Variants in ESCO1 observed in about 807,000 individuals in gnomAD.
ESCO1 encodes the protein N-acetyltransferase ESCO1.
Under a neutral mutation model 83.5 loss-of-function variants are expected in ESCO1, and 33 were observed. The ratio of observed to expected loss-of-function variants is 0.40; its 90% confidence interval spans 0.30 to 0.53. ESCO1 has a LOEUF of 0.53. ESCO1 is among the 20% of genes least tolerant of loss of function. The pLI is 0.63. For synonymous variants in ESCO1, 332 were observed against 324.3 expected (o/e 1.02, Z -0.25); for missense variants, 855 against 968.0 (o/e 0.88, Z 1.55).
At chr18:21,589,552 C>G (rs141442662) in intron 1 of ESCO1, among the ~76,000 whole-genome samples, 83 of 152,156 alleles carry the variant, frequency 5.5e-4, no homozygotes, top group African/African-American at 2.0e-3. Context: ...CCCCGTATAC[C>G]TCTCAATCCC....
chr18:21,574,640 T>C lies in ESCO1; in HGVS notation c.204A>G (p.Thr68=). 1 of 1,613,988 alleles carries C rather than the reference T, an allele frequency of 6.2e-7. No individual in the cohort carries two copies. The highest frequency in any genetic ancestry group is 2.2e-5 in the East Asian group (1 of 44,870). Residue 68 remains threonine (T), a synonymous_variant, in exon 4 of 12, where the codon ACA becomes ACG. Coordinates refer to ENST00000269214, the MANE Select transcript of ESCO1 (RefSeq NM_052911.3). The part of the protein sequence containing the change: ...NQPELETRMS[T]RSSKAASNDK... ...CATTAGATGCTGCCTTTGATGACCT[T>C]GTACTCATGCGTGTTTCCAATTCTG...
intron 2 of ESCO1, among the ~76,000 whole-genome samples, chr18:21,581,388 G>C (rs940736437): frequency 1.3e-5 from 2 of 151,442 alleles, no homozygotes; most frequent in African/African-American, 4.8e-5. Context: ...ATATTTAACA[G>C]TTTAGTTCCA....
At chr18:21,572,802 T>G (rs993928395) in intron 4 of ESCO1, among the ~76,000 whole-genome samples, 1 of 151,912 alleles carries the variant, frequency 6.6e-6, no homozygotes, top group Non-Finnish European at 1.5e-5. Flanking sequence ...CCGTCTCTAC[T>G]AAAAATACAA....
Position 21,574,501 on chromosome 18 carries a change from T to C in ESCO1, c.343A>G (p.Asn115Asp), listed in dbSNP as rs767566269. ...TGTGATCTCCGGTTAAGCTGTTCAT[T>C]TGCTTTAGGGTTTTCATGTACTAAT... ...KKLVHENPKA[N>D]EQLNRRSQRL... is the part of the protein sequence containing the mutation. The change falls in exon 4 of 12, where the codon AAT becomes GAT. Residue 115 changes from asparagine (N) to aspartate (D), a missense_variant. Asn to Asp is a conservative substitution (Grantham distance 23). Coordinates refer to ENST00000269214, the MANE Select transcript of ESCO1 (RefSeq NM_052911.3). 6.2e-7 allele frequency: 1 copy of C among 1,614,134 alleles called. No individual in the cohort carries two copies. Among genetic ancestry groups the C allele is most frequent in the East Asian group, 2.2e-5 (1 of 44,868 alleles).
rs2037745224 is a variant in ESCO1 at position 21,529,921 on chromosome 18, T to C, written c.*422A>G. The C allele has an allele frequency of 6.5e-6, 1 of 153,554 alleles. No individual in the cohort carries two copies. Among genetic ancestry groups the C allele is most frequent in the Non-Finnish European group, 1.5e-5 (1 of 68,738 alleles). The allele number at this position is 153,554 out of a possible 1,614,324, so 9.5% of individuals were successfully genotyped here. On this transcript the variant is annotated 3_prime_UTR_variant, in exon 12 of 12. Transcript: ENST00000269214. Reference sequence around the variant, plus strand: ...AAAATTGGTTTCCACTCTGTGAAAATACAATCTTTAAGCCTATCACTGGTA... The same window carrying C: ...AAAATTGGTTTCCACTCTGTGAAAACACAATCTTTAAGCCTATCACTGGTA...
At chr18:21,592,557 GA>G (rs1205819095) in intron 1 of ESCO1, among the ~76,000 whole-genome samples, 1 of 145,750 alleles carries the variant, frequency 6.9e-6, no homozygotes, top group East Asian at 2.1e-4. Context: ...GCGGGGGGCT[GA>G]CCCCCCACCT....
At chr18:21,599,057 A>G (rs754155200) in intron 1 of ESCO1, among the ~76,000 whole-genome samples, 2 of 151,908 alleles carry the variant, frequency 1.3e-5, no homozygotes, top group African/African-American at 2.4e-5. Context: ...AAAAAAAAAA[A>G]TTCACCAGGC....
At chr18:21,566,298 C>G (rs889335812) in intron 5 of ESCO1, 92 bp from the exon 6 acceptor site, 8 of 1,117,396 alleles carry the variant, frequency 7.2e-6, no homozygotes, top group Non-Finnish European at 6.5e-6. Flanking sequence ...AGAAAAAAAC[C>G]TTCAATGCAT....
At chr18:21,598,168 A>G (rs1368360410) in intron 1 of ESCO1, among the ~76,000 whole-genome samples, 1 of 152,210 alleles carries the variant, frequency 6.6e-6, no homozygotes, top group African/African-American at 2.4e-5. Context: ...TCTGCCAATA[A>G]AAGTCATGAA....
chr18:21,573,268 AG>A, intron 4 of ESCO1, 45 bp downstream of exon 4: 1 of 1,467,754 alleles, frequency 6.8e-7, no homozygotes, highest in Non-Finnish European at 9.1e-7. Flanking sequence ...CATTTCTTAC[AG>A]AAAATATTTC....
chr18:21,599,511 G>A (rs1437740496), intron 1 of ESCO1, among the ~76,000 whole-genome samples: 1 of 152,106 alleles, frequency 6.6e-6, no homozygotes, highest in African/African-American at 2.4e-5. Context: ...AATGCTGGTG[G>A]GGGGACTAAC....
rs2038396848 is a variant in ESCO1, at chr18:21,574,756, C to A, written c.88G>T (p.Asp30Tyr). 1.2e-6 allele frequency: 2 copies of A among 1,608,136 alleles called. No homozygotes were observed. The highest frequency in any genetic ancestry group is 1.1e-5 in the South Asian group (1 of 90,598). Reference protein sequence around the residue: ...DDKNSETEIQDSQKNLAKKSG... With the variant: ...DDKNSETEIQYSQKNLAKKSG... The stretch of plus-strand genomic sequence containing the variant: ...TTTTTTGCTAGATTCTTTTGAGAAT[C>A]CTGAATTTCTGTTTCTGAATTCTTA... Residue 30 changes from aspartate (D) to tyrosine (Y), a missense_variant, in exon 4 of 12, where the codon GAT becomes TAT. Coordinates refer to ENST00000269214, the MANE Select transcript of ESCO1 (RefSeq NM_052911.3).
chr18:21,550,646 A>G (rs1295376945), intron 8 of ESCO1, among the ~76,000 whole-genome samples: 1 of 152,226 alleles, frequency 6.6e-6, no homozygotes, highest in Non-Finnish European at 1.5e-5. Flanking sequence ...TAAAAGACTC[A>G]TGGTCCAAAT....
At chr18:21,570,582 G>A (rs1568105070) in intron 4 of ESCO1, among the ~76,000 whole-genome samples, 1 of 152,108 alleles carries the variant, frequency 6.6e-6, no homozygotes, top group Non-Finnish European at 1.5e-5. Flanking sequence ...TATTCTTTAT[G>A]AATTTATATA....
At chr18:21,549,635 AATGT>A (rs1250516782) in intron 8 of ESCO1, among the ~76,000 whole-genome samples, 1 of 152,012 alleles carries the variant, frequency 6.6e-6, no homozygotes, top group Non-Finnish European at 1.5e-5. Context: ...GGTTGGTTTC[AATGT>A]ATGTATTTGG....
intron 10 of ESCO1, among the ~76,000 whole-genome samples, chr18:21,533,295 G>GT (rs200986142): frequency 0.014 from 2,145 of 151,890 alleles, 58 homozygotes; most frequent in African/African-American, 0.049. Flanking sequence ...ACAATTGGTT[G>GT]TTTTTTTTGT....
chr18:21,595,236 T>C (rs1212976151), intron 1 of ESCO1, among the ~76,000 whole-genome samples: 1 of 151,858 alleles, frequency 6.6e-6, no homozygotes, highest in Non-Finnish European at 1.5e-5. Context: ...GGAGAAATTA[T>C]CTAAGTGGCG....
intron 8 of ESCO1, among the ~76,000 whole-genome samples, chr18:21,543,514 CA>C (rs1319615046): frequency 6.6e-6 from 1 of 151,418 alleles, no homozygotes; most frequent in Non-Finnish European, 1.5e-5. Context: ...CTTTTTCCAT[CA>C]AAAAAAGGAT....
At chr18:21,531,030 GGCAAGGCTGCA>G (rs1379353074) in intron 11 of ESCO1, among the ~76,000 whole-genome samples, 1 of 152,166 alleles carries the variant, frequency 6.6e-6, no homozygotes, top group Non-Finnish European at 1.5e-5. Flanking sequence ...AAACGAGTCT[GGCAAGGCTGCA>G]TATTCAAGAT....
Sources: allele counts gnomAD v4.1 joint callset (sites outside exome capture counted in the v4.1 genomes callset), GRCh38; gene constraint gnomAD v4.1.1; transcripts MANE v1.5; gene names NCBI Gene and HGNC (gene_info 2026-07-23, HGNC 2026-07-21).